CNBD1: variants seen among roughly 807,000 people sequenced by gnomAD.
CNBD1 encodes cyclic nucleotide-binding domain-containing protein 1.
In CNBD1, 71 loss-of-function variants were observed where a neutral mutation model predicts 54.4. The ratio of observed to expected loss-of-function variants is 1.30; its 90% CI spans 1.08 to 1.59. The LOEUF is 1.59. Ranked by LOEUF, CNBD1 falls within the 40% of genes most tolerant of loss-of-function variation. The pLI, the probability that CNBD1 is intolerant of heterozygous loss-of-function variation, is 0.00. For missense variants in CNBD1, 659 were observed against 518.0 expected, an observed-to-expected ratio of 1.27 and a Z score of -2.64; for synonymous variants, 182 against 170.7, an observed-to-expected ratio of 1.07 and a Z score of -0.51.
intron 4 of CNBD1, among the ~76,000 whole-genome samples, chr8:86,993,896 G>A (rs1279422002): frequency 1.3e-5 from 2 of 152,150 alleles, no homozygotes; most frequent in Non-Finnish European, 2.9e-5. Context: ...TCTGCTCCTG[G>A]GCCTTGAGGG....
intron 8 of CNBD1, among the ~76,000 whole-genome samples, chr8:87,321,032 G>A (rs1483545812): frequency 3.3e-5 from 5 of 152,108 alleles, no homozygotes; most frequent in Admixed American, 1.3e-4. Context: ...TGCAGAATAT[G>A]AGAGTAATTC....
rs146967595 is a variant in CNBD1 at position 86,997,776 on chromosome 8, G to A, written c.431+58022G>A. Among the ~76,000 whole-genome samples the A allele has an allele frequency of 1.6e-3, 247 of 152,138 alleles. 2 individuals carry two copies. Among genetic ancestry groups the A allele is most frequent in the African/African-American group, 5.6e-3 (231 of 41,522 alleles). ...ATTTTCCCTGCTTATTTGACTTCCT[G>A]AGTCACAAATTTCCTTCAGACCCAG... is the stretch of plus-strand genomic sequence containing the variant. On this transcript the variant is annotated intron_variant, in intron 4 of 10. Transcript: ENST00000518476.
chr8:87,369,881 C>G (rs1481794776), intron 10 of CNBD1, among the ~76,000 whole-genome samples: 1 of 151,988 alleles, frequency 6.6e-6, no homozygotes, highest in Non-Finnish European at 1.5e-5. Context: ...TCCCCACTCC[C>G]CCGACCCCAC....
chr8:86,878,577 GA>G (rs3063708), intron 1 of CNBD1, among the ~76,000 whole-genome samples: 2,975 of 143,922 alleles, frequency 0.021, 36 homozygotes, highest in South Asian at 0.037. Context: ...ACTTTATTCT[GA>G]AAAAAAAAAA....
At chr8:87,028,487 C>T (rs1307386531) in intron 4 of CNBD1, among the ~76,000 whole-genome samples, 2 of 152,186 alleles carry the variant, frequency 1.3e-5, no homozygotes, top group Non-Finnish European at 2.9e-5. Context: ...CACAGAAGGC[C>T]AATCACTGAG....
intron 2 of CNBD1, among the ~76,000 whole-genome samples, chr8:87,388,728 G>A (rs187148134): frequency 6.6e-6 from 1 of 152,120 alleles, no homozygotes; most frequent in African/African-American, 2.4e-5. Context: ...AGAAAAAGAG[G>A]GAATCCTCCC....
intron 4 of CNBD1, among the ~76,000 whole-genome samples, chr8:87,184,047 G>A (rs1813421639): frequency 6.6e-6 from 1 of 152,192 alleles, no homozygotes; most frequent in African/African-American, 2.4e-5. Context: ...CACCACTGGG[G>A]TGGCGGGGGC....
chr8:87,280,169 C>A (rs1174982788), intron 6 of CNBD1, among the ~76,000 whole-genome samples: 1 of 151,546 alleles, frequency 6.6e-6, no homozygotes, highest in Non-Finnish European at 1.5e-5. Flanking sequence ...CCCACATTCT[C>A]CCGAAGCATG....
intron 4 of CNBD1, among the ~76,000 whole-genome samples, chr8:87,199,630 C>A (rs1813810176): frequency 6.6e-6 from 1 of 152,116 alleles, no homozygotes. Context: ...CAGTAGATTG[C>A]TAGAATTTCT....
At chr8:87,130,042 G>C (rs146243506) in intron 4 of CNBD1, among the ~76,000 whole-genome samples, 3 of 152,200 alleles carry the variant, frequency 2.0e-5, no homozygotes, top group African/African-American at 7.2e-5. Context: ...CAGATCTCAT[G>C]AGAGCTATTC....
Position 87,237,087 on chromosome 8 carries a change from T to C in CNBD1, c.746T>C (p.Met249Thr). ...TTCAAAAACTCTACACTTGCTGAGA[T>C]GTACCTACCTTCATATGACTCAATG... Reference protein sequence around the residue: ...EEFKNSTLAEMYLPSYDSMLS... With the variant: ...EEFKNSTLAETYLPSYDSMLS... Residue 249 changes from methionine (M) to threonine (T), a missense_variant, in exon 6 of 11, where the codon ATG becomes ACG. Coordinates refer to ENST00000518476, the MANE Select transcript of CNBD1 (RefSeq NM_173538.3). 1 of 1,610,530 alleles carries C rather than the reference T, an allele frequency of 6.2e-7. No individual in the cohort carries two copies.
intron 6 of CNBD1, among the ~76,000 whole-genome samples, chr8:87,257,952 C>G (rs1375958628): frequency 1.3e-5 from 2 of 152,096 alleles, no homozygotes; most frequent in Non-Finnish European, 2.9e-5. Context: ...AGCATATACT[C>G]AGACATATTA....
intron 1 of CNBD1, among the ~76,000 whole-genome samples, chr8:86,868,504 T>C (rs575757040): frequency 6.6e-6 from 1 of 152,122 alleles, no homozygotes; most frequent in African/African-American, 2.4e-5. Flanking sequence ...GGCTAATTTT[T>C]GTATTTTTAG....
chr8:87,074,100 CA>C lies in CNBD1; in HGVS notation c.432-131877del, dbSNP rs34907275. Among the ~76,000 whole-genome samples, 749 of 107,000 alleles carry C rather than the reference CA, an allele frequency of 7.0e-3. 3 individuals carry two copies. The highest frequency in any genetic ancestry group is 8.7e-3 in the Non-Finnish European group (447 of 51,368). 70.2% of individuals were successfully genotyped at this position (107,000 alleles called of 152,430 possible). A position where few individuals can be genotyped will look rare whatever the true frequency, so the allele number is the denominator to read the frequency against. The stretch of plus-strand genomic sequence containing the variant: ...TGGGTGACAGAGCGAGACTCCATCT[CA>C]AAAAAAAAAAAAAAAGGCAGCAGTC... On this transcript the variant is annotated intron_variant, in intron 4 of 10. Transcript: ENST00000518476.
At position 87,080,892 on chromosome 8, in the gene CNBD1, T is replaced by C. The variant is rs567712600; in HGVS notation, c.432-125101T>C. On this transcript the variant is annotated intron_variant, in intron 4 of 10. Coordinates refer to ENST00000518476, the MANE Select transcript of CNBD1 (RefSeq NM_173538.3). ...ATCTGTAGGATCTGTAGTGACTATTTTTTCTCTCATTCTTGATATCAGTAG... is the reference window on the plus strand; with the variant it reads ...ATCTGTAGGATCTGTAGTGACTATTCTTTCTCTCATTCTTGATATCAGTAG... Among the ~76,000 whole-genome samples, 7 of 152,208 alleles carry C rather than the reference T, an allele frequency of 4.6e-5. No homozygotes were observed. In the East Asian group the frequency reaches 1.4e-3, roughly 29 times the overall value.
At chr8:87,000,215 T>A (rs2130543495) in intron 4 of CNBD1, among the ~76,000 whole-genome samples, 1 of 152,200 alleles carries the variant, frequency 6.6e-6, no homozygotes, top group Admixed American at 6.5e-5. Flanking sequence ...GATGTTCTCA[T>A]GATAGTGAGT....
chr8:87,352,322 A>G (rs1476316517), intron 9 of CNBD1, among the ~76,000 whole-genome samples: 1 of 152,066 alleles, frequency 6.6e-6, no homozygotes, highest in South Asian at 2.1e-4. Flanking sequence ...TTACTAAAAA[A>G]TACAAAAATT....
intron 2 of CNBD1, among the ~76,000 whole-genome samples, chr8:86,894,614 C>G (rs1808823451): frequency 6.6e-6 from 1 of 152,084 alleles, no homozygotes; most frequent in African/African-American, 2.4e-5. Flanking sequence ...AACAACCATT[C>G]CATGTAATGA....
intron 4 of CNBD1, among the ~76,000 whole-genome samples, chr8:87,142,450 A>C (rs1218760665): frequency 6.6e-6 from 1 of 152,170 alleles, no homozygotes; most frequent in Non-Finnish European, 1.5e-5. Flanking sequence ...GTGGATATAG[A>C]ATTACATGAA....
Sources: gnomAD v4.1 joint callset for allele counts (sites outside exome capture counted in the v4.1 genomes callset) on GRCh38, gnomAD v4.1.1 for gene constraint, MANE v1.5 for transcripts, NCBI Gene and HGNC (gene_info 2026-07-23, HGNC 2026-07-21) for gene names.